Variants in ZNF138 observed in about 807,000 individuals in gnomAD.
The protein encoded by ZNF138 is zinc finger protein 138 (clone pHZ-32).
In ZNF138, 33 loss-of-function variants were observed where a neutral mutation model predicts 33.0. The observed-to-expected ratio is 1.00, with a 90% CI of 0.76 to 1.34. The LOEUF is 1.34. Ranked by LOEUF, ZNF138 falls within the 40% of genes most tolerant of loss-of-function variation. The pLI is 0.00. For missense variants in ZNF138, 360 were observed against 370.8 expected, an observed-to-expected ratio of 0.97 and a Z score of 0.24; for synonymous variants, 139 against 120.4, an observed-to-expected ratio of 1.15 and a Z score of -1.01.
intron 1 of ZNF138, among the ~76,000 whole-genome samples, chr7:64,811,639 A>G (rs916954094): frequency 6.6e-6 from 1 of 152,228 alleles, no homozygotes; most frequent in Admixed American, 6.5e-5. Context: ...ATGCAGATTT[A>G]TTCAGACATA....
chr7:64,854,720 G>A, the ZNF138 span, among the ~76,000 whole-genome samples: 1 of 152,172 alleles, frequency 6.6e-6, no homozygotes, highest in Non-Finnish European at 1.5e-5. Flanking sequence ...TTACTGACAA[G>A]AAGCAAAGAG....
At chr7:64,827,217 C>T (rs1277960839) in intron 3 of ZNF138, among the ~76,000 whole-genome samples, 1 of 150,460 alleles carries the variant, frequency 6.6e-6, no homozygotes, top group Non-Finnish European at 1.5e-5. Context: ...TGTAGAATTA[C>T]AGGGATGAGC....
chr7:64,819,009 C>T (rs1788898271), intron 3 of ZNF138, among the ~76,000 whole-genome samples: 1 of 152,086 alleles, frequency 6.6e-6, no homozygotes, highest in South Asian at 2.1e-4. Context: ...TGTGTTTTTT[C>T]AGTGTAGGTT....
chr7:64,818,262 A>G (rs1409887733), intron 3 of ZNF138, among the ~76,000 whole-genome samples: 1 of 152,096 alleles, frequency 6.6e-6, no homozygotes, highest in African/African-American at 2.4e-5. Context: ...CTGGGATTAC[A>G]GGTGCGATCC....
intron 3 of ZNF138, chr7:64,831,224 C>T: frequency 1.7e-6 from 2 of 1,196,676 alleles, no homozygotes; most frequent in Non-Finnish European, 2.3e-6. Flanking sequence ...TGGCTCTTTG[C>T]ATTGTGCAAA....
rs111786004 is a variant in ZNF138 at position 64,805,165 on chromosome 7, G to A, written c.4-9753G>A. On this transcript the variant is annotated intron_variant, in intron 1 of 3. Transcript: ENST00000307355. ...TATAATCCCAGCACTTTGGGAGGCC[G>A]AGGTGGGTGGATCACGAGGTCAGGG... Among the ~76,000 whole-genome samples, 440 of 152,194 alleles carry A rather than the reference G, an allele frequency of 2.9e-3. 3 individuals are homozygous for A. The highest frequency in any genetic ancestry group is 9.1e-3 in the African/African-American group (379 of 41,530).
At chr7:64,850,867 T>G in the ZNF138 span, among the ~76,000 whole-genome samples, 1 of 152,214 alleles carries the variant, frequency 6.6e-6, no homozygotes, top group Admixed American at 6.5e-5. Context: ...AAAAACAAGG[T>G]GGCCACATCA....
In ZNF138 at chr7:64,815,613, G is replaced by A. The variant is rs1377777663; in HGVS notation, c.168G>A (p.Trp56Ter). 6.2e-7 allele frequency: 1 copy of A among 1,612,760 alleles called. No homozygotes were observed. Among genetic ancestry groups the A allele is most frequent in the Non-Finnish European group, 8.5e-7 (1 of 1,179,384 alleles). ...ITCLEQGKEPWNMKRHEMVVA... is the reference protein window; with the variant it reads ...ITCLEQGKEP ...GTCTGGAACAAGGAAAAGAGCCCTG[G>A]AATATGAAGAGACATGAGATGGTGG... Residue 56 changes from tryptophan (W) to a stop codon, truncating the protein, a stop_gained, in exon 3 of 4, where the codon TGG becomes TGA. Coordinates refer to ENST00000307355, the MANE Select transcript of ZNF138 (RefSeq NM_001271639.2). LOFTEE classifies it high-confidence loss of function.
the ZNF138 span, among the ~76,000 whole-genome samples, chr7:64,848,489 T>C: frequency 6.6e-6 from 1 of 151,978 alleles, no homozygotes; most frequent in Admixed American, 6.6e-5. Flanking sequence ...TACTTCATTT[T>C]CTGAAGTTGT....
At chr7:64,838,430 C>T (rs547605384), downstream of ZNF138, among the ~76,000 whole-genome samples, 5 of 152,092 alleles carry the variant, frequency 3.3e-5, no homozygotes, top group East Asian at 7.8e-4. Flanking sequence ...CCTGAGTTGC[C>T]GCACTTGAAG....
intron 3 of ZNF138, among the ~76,000 whole-genome samples, chr7:64,817,573 C>G (rs1788761484): frequency 6.6e-6 from 1 of 152,100 alleles, no homozygotes; most frequent in African/African-American, 2.4e-5. Context: ...GAAATCCTGG[C>G]CCGAAGCAAT....
the ZNF138 span, among the ~76,000 whole-genome samples, chr7:64,854,432 G>A: frequency 6.6e-6 from 1 of 152,206 alleles, no homozygotes; most frequent in Non-Finnish European, 1.5e-5. Flanking sequence ...GTAGAGATGA[G>A]GTTTCACCAA....
the ZNF138 span, among the ~76,000 whole-genome samples, chr7:64,859,164 G>A: frequency 1.3e-5 from 2 of 152,076 alleles, no homozygotes; most frequent in Non-Finnish European, 2.9e-5. Flanking sequence ...CTGACCTTGT[G>A]AACCACCCAC....
the ZNF138 span, among the ~76,000 whole-genome samples, chr7:64,859,887 C>G: frequency 1.3e-5 from 2 of 151,998 alleles, no homozygotes; most frequent in African/African-American, 4.8e-5. Context: ...GCCTGTAATC[C>G]CAGCACTTTG....
the ZNF138 span, among the ~76,000 whole-genome samples, chr7:64,846,989 C>G: frequency 6.6e-6 from 1 of 152,116 alleles, no homozygotes; most frequent in African/African-American, 2.4e-5. Context: ...GGAATTTTGT[C>G]AAATGCTTTA....
chr7:64,822,386 T>A, intron 3 of ZNF138, among the ~76,000 whole-genome samples: 1 of 151,708 alleles, frequency 6.6e-6, no homozygotes, highest in East Asian at 1.9e-4. Flanking sequence ...AAGATCAATG[T>A]CATGTTTTTT....
At chr7:64,857,718 A>T in the ZNF138 span, among the ~76,000 whole-genome samples, 1 of 150,230 alleles carries the variant, frequency 6.7e-6, no homozygotes, top group Non-Finnish European at 1.5e-5. Context: ...GAGAAGAATT[A>T]AAAAAAAACA....
chr7:64,846,973 G>T, the ZNF138 span, among the ~76,000 whole-genome samples: 3 of 152,044 alleles, frequency 2.0e-5, no homozygotes, highest in African/African-American at 7.2e-5. Flanking sequence ...ATCATAAAGG[G>T]ATCCTGGAAT....
At chr7:64,851,861 G>A in the ZNF138 span, among the ~76,000 whole-genome samples, 1 of 152,082 alleles carries the variant, frequency 6.6e-6, no homozygotes, top group Non-Finnish European at 1.5e-5. Flanking sequence ...GAATGTTCTG[G>A]GTCCAAGATG....
Sources: allele counts gnomAD v4.1 joint callset (sites outside exome capture counted in the v4.1 genomes callset), GRCh38; gene constraint gnomAD v4.1.1; transcripts MANE v1.5; gene names NCBI Gene and HGNC (gene_info 2026-07-23, HGNC 2026-07-21).